IL16: variants seen among roughly 807,000 people sequenced by gnomAD.
IL16 encodes pro-interleukin-16.
IL16 carries 67 observed loss-of-function variants against 110.1 expected under a neutral mutation model. The ratio of observed to expected loss-of-function variants is 0.61; its 90% CI spans 0.50 to 0.75. The LOEUF (loss-of-function observed/expected upper bound fraction) is 0.75, where lower values mean the gene tolerates loss of function less well. IL16 is among the 30% of genes least tolerant of loss of function. The probability of loss-of-function intolerance (pLI) is 0.00; values close to 1 mark genes in which losing one functional copy is unlikely to be tolerated. For synonymous variants in IL16, 689 were observed against 662.9 expected (o/e 1.04, Z -0.61); for missense variants, 1,545 against 1,655.0 (o/e 0.93, Z 1.15).
At chr15:81,183,980 G>T (rs926468690) in intron 1 of IL16, among the ~76,000 whole-genome samples, 1 of 152,218 alleles carries the variant, frequency 6.6e-6, no homozygotes, top group Admixed American at 6.5e-5. Flanking sequence ...TCCTAAGCAG[G>T]CTGCTCCCCT....
chr15:81,309,005 A>T lies in IL16; in HGVS notation c.*207A>T, dbSNP rs2141654338. ...AATAAGGGCAGAGTCACACGGGGGC[A>T]GCTGATACAAATTGCAGACTGTGTA... is the stretch of plus-strand genomic sequence containing the variant. On this transcript the variant is annotated 3_prime_UTR_variant, in exon 19 of 19. Transcript: ENST00000683961. 5 of 484,126 alleles carry T rather than the reference A, an allele frequency of 1.0e-5. No individual in the cohort carries two copies. The highest frequency in any genetic ancestry group is 3.6e-5 in the South Asian group (1 of 27,398). 30.0% of individuals were successfully genotyped at this position (484,126 alleles called of 1,614,324 possible). A position where few individuals can be genotyped will look rare whatever the true frequency, so the allele number is the denominator to read the frequency against.
At chr15:81,278,503 A>G (rs1899016608) in intron 6 of IL16, among the ~76,000 whole-genome samples, 1 of 152,200 alleles carries the variant, frequency 6.6e-6, no homozygotes, top group Non-Finnish European at 1.5e-5. Context: ...ATGGGAGCAA[A>G]TGGTGTGAGG....
intron 3 of IL16, among the ~76,000 whole-genome samples, chr15:81,263,592 C>T (rs1898249387): frequency 6.6e-6 from 1 of 152,162 alleles, no homozygotes; most frequent in Admixed American, 6.5e-5. Flanking sequence ...CTCTGGTCTG[C>T]GTCCCCACAG....
At chr15:81,275,479 G>A (rs1017515600) in intron 6 of IL16, among the ~76,000 whole-genome samples, 2 of 151,034 alleles carry the variant, frequency 1.3e-5, no homozygotes, top group Non-Finnish European at 2.9e-5. Context: ...AAAAAGAACA[G>A]TGGGATCAGA....
chr15:81,265,694 C>A lies in IL16; in HGVS notation c.457C>A (p.Pro153Thr). The change falls in exon 4 of 19, where the codon CCA becomes ACA. Residue 153 changes from proline to threonine, a missense_variant. Physicochemically the swap from Pro to Thr is conservative, Grantham distance 38 (BLOSUM62 -1). Around this residue, in one of 3 missense-constraint regions of IL16, gnomAD observed 1,185 missense variants for 1,238.8 expected, o/e 0.96. Coordinates refer to ENST00000683961, the MANE Select transcript of IL16 (RefSeq NM_172217.5). ...CTATTGCACAAGAGAAATTGATTTTCCAATGACCAAGAAATCTGCAGCGCC... is the reference window on the plus strand; with the variant it reads ...CTATTGCACAAGAGAAATTGATTTTACAATGACCAAGAAATCTGCAGCGCC... ...NPYCTREIDF[P>T]MTKKSAAPTD... 6.2e-7 allele frequency: 1 copy of A among 1,614,132 alleles called. No individual in the cohort carries two copies.
At chr15:81,287,954 G>A (rs142145847) in intron 10 of IL16, among the ~76,000 whole-genome samples, 4 of 152,298 alleles carry the variant, frequency 2.6e-5, no homozygotes, top group African/African-American at 9.6e-5. Flanking sequence ...TTAGGACTAC[G>A]GCAGAAAATC....
rs572690852 is a variant in IL16 at position 81,300,451 on chromosome 15, C to A, written c.3125C>A (p.Ala1042Asp). The A allele has an allele frequency of 3.1e-6, 5 of 1,613,574 alleles. No individual in the cohort carries two copies. The highest frequency in any genetic ancestry group is 4.2e-6 in the Non-Finnish European group (5 of 1,179,546). Reference sequence around the variant, plus strand: ...GCAAATGGTTCTGCTGAAACATCTGCCTTGGACACAGGGTTCTCGCTCAAG... The same window carrying A: ...GCAAATGGTTCTGCTGAAACATCTGACTTGGACACAGGGTTCTCGCTCAAG... ...SAANGSAETS[A>D]LDTGFSLNLS... Residue 1042 changes from alanine to aspartate, a missense_variant, in exon 14 of 19, where the codon GCC becomes GAC. Transcript: ENST00000683961.
Position 81,308,824 on chromosome 15 carries a change from A to ATAACACACAGC in IL16, c.*39_*49dup, listed in dbSNP as rs1567050540. 8.2e-6 allele frequency: 13 copies of ATAACACACAGC among 1,588,086 alleles called. No individual in the cohort carries two copies. The highest frequency in any genetic ancestry group is 1.4e-5 in the African/African-American group (1 of 73,982). ...GCAGGACATGCTGAAGCCAAAGCCA[A>ATAACACACAGC]TAACACACAGCTAACACACAGCTCC... On this transcript the variant is annotated 3_prime_UTR_variant, in exon 19 of 19. Transcript: ENST00000683961.
intron 1 of IL16, among the ~76,000 whole-genome samples, chr15:81,215,881 G>A (rs1171440059): frequency 6.6e-6 from 1 of 152,176 alleles, no homozygotes; most frequent in Non-Finnish European, 1.5e-5. Context: ...CTGAATCCAT[G>A]GTTGGATTCT....
chr15:81,300,725 G>A (rs538324100), intron 14 of IL16, among the ~76,000 whole-genome samples: 1 of 152,278 alleles, frequency 6.6e-6, no homozygotes, highest in Admixed American at 6.5e-5. Flanking sequence ...GGGCTGGGAG[G>A]TAGGAGGTGG....
rs569007852 is a variant in IL16 at position 81,271,650 on chromosome 15, G to C, written c.676-1440G>C. ...TGACGCCATCCTGAGTCCCCAGGAT[G>C]GGTGAGACTTTGAGTCTAGAGCAGC... On this transcript the variant is annotated intron_variant, in intron 5 of 18. Transcript: ENST00000683961. 9.2e-5 allele frequency among the ~76,000 whole-genome samples: 14 copies of C among 152,252 alleles called. No homozygotes were observed. In the South Asian group the frequency reaches 2.9e-3, roughly 32 times the overall value.
chr15:81,227,365 G>T (rs1361999236), intron 2 of IL16, among the ~76,000 whole-genome samples: 1 of 152,230 alleles, frequency 6.6e-6, no homozygotes, highest in East Asian at 1.9e-4. Flanking sequence ...TATTGAAAAG[G>T]TAATCACAAA....
chr15:81,211,394 G>GGCAT (rs1478748158), intron 1 of IL16, among the ~76,000 whole-genome samples: 1 of 152,048 alleles, frequency 6.6e-6, no homozygotes, highest in Non-Finnish European at 1.5e-5. Context: ...TGGGATTACA[G>GGCAT]GCATGCACCA....
intron 8 of IL16, 113 bp downstream of exon 8, chr15:81,279,887 C>A: frequency 3.5e-6 from 3 of 865,456 alleles, no homozygotes; most frequent in South Asian, 1.6e-5. Flanking sequence ...TGTCTTTTAG[C>A]ACATTTTACA....
At chr15:81,223,968 G>A (rs746007203) in intron 1 of IL16, among the ~76,000 whole-genome samples, 1 of 152,196 alleles carries the variant, frequency 6.6e-6, no homozygotes, top group Non-Finnish European at 1.5e-5. Flanking sequence ...TGATAAAATG[G>A]ATCAAAACCG....
At chr15:81,218,714 A>C (rs1468572285) in intron 1 of IL16, among the ~76,000 whole-genome samples, 5 of 152,224 alleles carry the variant, frequency 3.3e-5, no homozygotes, top group Admixed American at 3.3e-4. Flanking sequence ...GATGCAAGTA[A>C]GTTTTTTGTA....
At chr15:81,265,584 T>C in intron 3 of IL16, 75 bp from the exon 4 acceptor site, 1 of 1,527,450 alleles carries the variant, frequency 6.5e-7, no homozygotes, top group Non-Finnish European at 9.0e-7. Flanking sequence ...AATGAGGGGC[T>C]GATATTGTTC....
At chr15:81,284,357 A>G (rs985456204) in intron 9 of IL16, among the ~76,000 whole-genome samples, 1 of 152,174 alleles carries the variant, frequency 6.6e-6, no homozygotes, top group Non-Finnish European at 1.5e-5. Flanking sequence ...GTCTCTCTGG[A>G]GCTTCTGAAT....
chr15:81,196,620 C>T (rs554492343), upstream of IL16, among the ~76,000 whole-genome samples: 9 of 152,304 alleles, frequency 5.9e-5, no homozygotes, highest in South Asian at 1.5e-3. Context: ...TGCTACCTTT[C>T]GGCTCTCCTA....
Sources: gnomAD v4.1 joint callset for allele counts (sites outside exome capture counted in the v4.1 genomes callset) on GRCh38, gnomAD v4.1.1 for gene constraint, gnomAD v4.1.1 regional missense constraint, MANE v1.5 for transcripts, NCBI Gene and HGNC (gene_info 2026-07-23, HGNC 2026-07-21) for gene names.